The following KCNQ3 variants were observed in gnomAD, a reference collection of about 807,000 sequenced individuals.
The protein encoded by KCNQ3 is potassium voltage-gated channel subfamily KQT member 3.
A neutral mutation model predicts 92.5 loss-of-function variants in KCNQ3; 30 were observed. That is an observed-to-expected ratio of 0.32 (90% CI 0.24 to 0.44). The LOEUF (loss-of-function observed/expected upper bound fraction) is 0.44, where lower values mean the gene tolerates loss of function less well. Among genes scored for constraint, KCNQ3 ranks in the 20% least tolerant of loss-of-function variants. KCNQ3 has a pLI of 1.00. For missense variants in KCNQ3, 913 were observed against 1,140.3 expected (o/e 0.80, Z 2.87); for synonymous variants, 450 against 468.8 (o/e 0.96, Z 0.52).
chr8:132,410,492 G>A (rs1470201069), intron 1 of KCNQ3, among the ~76,000 whole-genome samples: 1 of 152,196 alleles, frequency 6.6e-6, no homozygotes, highest in Non-Finnish European at 1.5e-5. Context: ...TGTCCTTGGA[G>A]CTCAATTATG....
intron 3 of KCNQ3, among the ~76,000 whole-genome samples, chr8:132,182,862 TA>T (rs758807557): frequency 1.3e-5 from 2 of 149,032 alleles, no homozygotes; most frequent in Non-Finnish European, 3.0e-5. Context: ...AAAAAATCAT[TA>T]AAAAAGTCCT....
intron 1 of KCNQ3, among the ~76,000 whole-genome samples, chr8:132,437,411 T>TG (rs1261090353): frequency 6.6e-6 from 1 of 152,228 alleles, no homozygotes; most frequent in Non-Finnish European, 1.5e-5. Context: ...AAATATGAGA[T>TG]GGGGACAGTG....
chr8:132,474,800 G>A (rs1024549510), intron 1 of KCNQ3, among the ~76,000 whole-genome samples: 12 of 152,080 alleles, frequency 7.9e-5, no homozygotes, highest in African/African-American at 2.9e-4. Context: ...CAAATGCGAG[G>A]TACAAAATTC....
rs1204519015 is a variant in KCNQ3 at position 132,172,647 on chromosome 8, C to T, written c.1091G>A (p.Arg364His). ...CCTCCTTTTCTCAAAGTGCTTCTGA[C>T]GGTGTTGCTCCTGCACCTTGAGGGC... ...GLALKVQEQH[R>H]QKHFEKRRKP... Residue 364 changes from arginine (R) to histidine (H), a missense_variant, in exon 7 of 15, where the codon CGT (arginine) becomes CAT (histidine). Arg to His is a conservative substitution (Grantham distance 29). Coordinates refer to ENST00000388996, the MANE Select transcript of KCNQ3 (RefSeq NM_004519.4). 3 of 1,613,866 alleles carry T rather than the reference C, an allele frequency of 1.9e-6. No individual in the cohort carries two copies. Among genetic ancestry groups the T allele is most frequent in the Non-Finnish European group, 1.7e-6 (2 of 1,180,030 alleles).
chr8:132,205,148 G>C (rs1027291045), intron 1 of KCNQ3, among the ~76,000 whole-genome samples: 1 of 152,162 alleles, frequency 6.6e-6, no homozygotes, highest in Non-Finnish European at 1.5e-5. Context: ...TTGTATCTGA[G>C]AGCTGGATGG....
chr8:132,284,188 A>C (rs1233163321), intron 1 of KCNQ3, among the ~76,000 whole-genome samples: 5 of 152,214 alleles, frequency 3.3e-5, no homozygotes, highest in African/African-American at 1.2e-4. Context: ...TATAATAAAA[A>C]AAAATAATAG....
rs1563926206 is a variant in KCNQ3, at chr8:132,480,679, CA to C, written c.-148del. ...CCGCGCGCCCCTCCCCACCCCCCCC[CA>C]AAAGCAGGCAAAGGCGGGCCCCCTG... On this transcript the variant is annotated 5_prime_UTR_variant, in exon 1 of 15. Coordinates refer to ENST00000388996, the MANE Select transcript of KCNQ3 (RefSeq NM_004519.4). 1.2e-5 allele frequency: 10 copies of C among 864,978 alleles called. No individual in the cohort carries two copies. In the South Asian group the frequency reaches 3.8e-4, roughly 33 times the overall value. 53.6% of individuals were successfully genotyped at this position (864,978 alleles called of 1,614,324 possible).
In KCNQ3 at chr8:132,124,217, T is replaced by C. The variant is rs1462907135; in HGVS notation, c.*5045A>G. 1.3e-5 allele frequency: 2 copies of C among 152,204 alleles called. No individual in the cohort carries two copies. The highest frequency in any genetic ancestry group is 2.4e-5 in the African/African-American group (1 of 41,456). The allele number at this position is 152,204 out of a possible 1,614,324, so 9.4% of individuals were successfully genotyped here. ...AGAGATGTACTTATTTAAAAAGCAA[T>C]TGTGAAAGCATTTGATTTAATAATT... On this transcript the variant is annotated 3_prime_UTR_variant, in exon 15 of 15. Transcript: ENST00000388996.
intron 1 of KCNQ3, among the ~76,000 whole-genome samples, chr8:132,248,653 G>A (rs1039462960): frequency 2.6e-5 from 4 of 152,150 alleles, no homozygotes; most frequent in African/African-American, 4.8e-5. Flanking sequence ...TCCCATATGC[G>A]CAGTCCCTGT....
At chr8:132,178,923 G>A (rs1826657552) in intron 4 of KCNQ3, among the ~76,000 whole-genome samples, 1 of 149,470 alleles carries the variant, frequency 6.7e-6, no homozygotes, top group Non-Finnish European at 1.5e-5. Flanking sequence ...TAATTATTGA[G>A]GAAATGGTCA....
chr8:132,123,682 C>T lies in KCNQ3; in HGVS notation c.*5580G>A, dbSNP rs886062665. The stretch of plus-strand genomic sequence containing the variant: ...AATCACTGCTTCAATCACTGAGGGA[C>T]GTGGTGTGATGTTCTTTGCTCTGAG... On this transcript the variant is annotated 3_prime_UTR_variant, in exon 15 of 15. Coordinates refer to ENST00000388996, the MANE Select transcript of KCNQ3 (RefSeq NM_004519.4). 5.0e-4 allele frequency: 76 copies of T among 152,284 alleles called. No homozygotes were observed. Among genetic ancestry groups the T allele is most frequent in the African/African-American group, 1.6e-3 (66 of 41,546 alleles). The allele number at this position is 152,284 out of a possible 1,614,324, so 9.4% of individuals were successfully genotyped here.
intron 1 of KCNQ3, among the ~76,000 whole-genome samples, chr8:132,338,198 G>C (rs1311437092): frequency 6.6e-6 from 1 of 152,180 alleles, no homozygotes; most frequent in African/African-American, 2.4e-5. Context: ...GTATCAGCAT[G>C]CCTAGGAGGA....
At chr8:132,270,973 G>A (rs192962225) in intron 1 of KCNQ3, among the ~76,000 whole-genome samples, 123 of 152,324 alleles carry the variant, frequency 8.1e-4, no homozygotes, top group Non-Finnish European at 1.4e-3. Context: ...TTGTGTTACA[G>A]CAATTCATGA....
At chr8:132,374,968 A>C (rs187294093) in intron 1 of KCNQ3, among the ~76,000 whole-genome samples, 134 of 152,234 alleles carry the variant, frequency 8.8e-4, no homozygotes, top group African/African-American at 3.2e-3. Flanking sequence ...TGCTATTGTG[A>C]ATAGGGCTGC....
chr8:132,455,793 G>A (rs773910043), intron 1 of KCNQ3, among the ~76,000 whole-genome samples: 6 of 152,136 alleles, frequency 3.9e-5, no homozygotes, highest in Non-Finnish European at 7.4e-5. Context: ...CCAGGCTGGA[G>A]TATAGTGGCG....
intron 1 of KCNQ3, among the ~76,000 whole-genome samples, chr8:132,420,428 C>T (rs1423083079): frequency 1.3e-5 from 2 of 152,138 alleles, no homozygotes; most frequent in African/African-American, 4.8e-5. Flanking sequence ...TTCTGGGCTG[C>T]CACAGCCAGA....
intron 1 of KCNQ3, among the ~76,000 whole-genome samples, chr8:132,423,315 A>C (rs1238966699): frequency 6.6e-6 from 1 of 152,192 alleles, no homozygotes; most frequent in Non-Finnish European, 1.5e-5. Flanking sequence ...ACTTTAACCC[A>C]ATCCCATTGA....
chr8:132,277,549 C>T lies in KCNQ3; in HGVS notation c.387-91368G>A, dbSNP rs541221324. On this transcript the variant is annotated intron_variant, in intron 1 of 14. Coordinates refer to ENST00000388996, the MANE Select transcript of KCNQ3 (RefSeq NM_004519.4). Reference sequence around the variant, plus strand: ...GTAGACAAGGAGGCATGGGGAAGACCGGCTGGGGAGACAGATTTTTGAGCG... The same window carrying T: ...GTAGACAAGGAGGCATGGGGAAGACTGGCTGGGGAGACAGATTTTTGAGCG... Among the ~76,000 whole-genome samples, 10 of 152,240 alleles carry T rather than the reference C, an allele frequency of 6.6e-5. No homozygotes were observed. The South Asian group carries it at 1.2e-3, about 19-fold the overall frequency.
chr8:132,233,510 G>A (rs887283723), intron 1 of KCNQ3, among the ~76,000 whole-genome samples: 2 of 152,178 alleles, frequency 1.3e-5, no homozygotes, highest in African/African-American at 4.8e-5. Context: ...TTATCTTTGA[G>A]CTGCAGCCTT....
Sources: allele counts gnomAD v4.1 joint callset (sites outside exome capture counted in the v4.1 genomes callset), GRCh38; gene constraint gnomAD v4.1.1; transcripts MANE v1.5; gene names NCBI Gene and HGNC (gene_info 2026-07-23, HGNC 2026-07-21).